The following LANCL2 variants were observed in gnomAD, a reference collection of about 807,000 sequenced individuals.
LANCL2 encodes lanC-like protein 2.
LANCL2 carries 33 observed loss-of-function variants against 56.9 expected under a neutral mutation model. That is an observed-to-expected ratio of 0.58 (90% CI 0.44 to 0.78). The LOEUF (loss-of-function observed/expected upper bound fraction) is 0.78, where lower values mean the gene tolerates loss of function less well. Ranked by LOEUF, LANCL2 falls within the 30% of genes least tolerant of loss-of-function variation. The pLI is 0.00. For missense variants in LANCL2, 562 were observed against 580.2 expected (o/e 0.97, Z 0.32); for synonymous variants, 233 against 228.2 (o/e 1.02, Z -0.19).
rs779551989 is a variant in LANCL2 at position 55,400,354 on chromosome 7, GTTTA to G, written c.678+256_678+259del. Among the ~76,000 whole-genome samples the G allele has an allele frequency of 4.6e-5, 7 of 152,306 alleles. No individual in the cohort carries two copies. In the South Asian group the frequency reaches 6.2e-4, roughly 14 times the overall value. ...AGCAGCAGCTTCAGAAAGTTAGAAT[GTTTA>G]TTTATCTTTCGTGAGATGTCTCAGC... is the stretch of plus-strand genomic sequence containing the variant. On this transcript the variant is annotated intron_variant, in intron 4 of 8. Coordinates refer to ENST00000254770, the MANE Select transcript of LANCL2 (RefSeq NM_018697.4).
rs760465269 is a variant in LANCL2 at position 55,398,558 on chromosome 7, G to GC, written c.463dup (p.Leu155ProfsTer14). On this transcript the variant is annotated frameshift_variant, in exon 3 of 9. Transcript: ENST00000254770. LOFTEE classifies it high-confidence loss of function. ...GTCACCTTCCTCTGTGGGGATGCTGGCCCCCTGGCTGTTGGAGCTGTGATT... is the reference window on the plus strand; with the variant it reads ...GTCACCTTCCTCTGTGGGGATGCTGGCCCCCCTGGCTGTTGGAGCTGTGATT... 5.0e-6 allele frequency: 8 copies of GC among 1,614,150 alleles called. No homozygotes were observed. Among genetic ancestry groups the GC allele is most frequent in the Non-Finnish European group, 6.8e-6 (8 of 1,179,990 alleles).
chr7:55,366,150 G>A lies in LANCL2; in HGVS notation c.125G>A (p.Gly42Glu). The change falls in exon 1 of 9, where the codon GGA becomes GAA. Residue 42 changes from glycine to glutamate, a missense_variant. Physicochemically the swap from Gly to Glu is moderately conservative, Grantham distance 98 (BLOSUM62 -2). This residue lies in a region of LANCL2 where 184 missense variants were observed against 111.8 expected (regional missense o/e 1.65). Transcript: ENST00000254770. ...GCCGCCGGGGCGCTGCTCGCCTCCG[G>A]AGCGGCCGAAGAGACAGGCTGTGTT... The part of the protein sequence containing the change: ...EAAAGALLAS[G>E]AAEETGCVRP... The A allele has an allele frequency of 1.3e-6, 2 of 1,552,094 alleles. No individual in the cohort carries two copies. Among genetic ancestry groups the A allele is most frequent in the Non-Finnish European group, 1.7e-6 (2 of 1,146,820 alleles).
intron 1 of LANCL2, among the ~76,000 whole-genome samples, chr7:55,390,477 G>T (rs979931122): frequency 6.6e-6 from 1 of 152,134 alleles, no homozygotes; most frequent in African/African-American, 2.4e-5. Context: ...GTGGTGGCGG[G>T]TGCTTGTAAT....
At chr7:55,412,977 A>G (rs1431690537) in intron 6 of LANCL2, among the ~76,000 whole-genome samples, 1 of 152,200 alleles carries the variant, frequency 6.6e-6, no homozygotes, top group African/African-American at 2.4e-5. Context: ...ACTTAGGAAA[A>G]TTGTGGGGAA....
chr7:55,393,353 C>T (rs1790213593), intron 2 of LANCL2, among the ~76,000 whole-genome samples: 1 of 152,134 alleles, frequency 6.6e-6, no homozygotes, highest in African/African-American at 2.4e-5. Flanking sequence ...GGCAACATGG[C>T]AAAACCTGTC....
chr7:55,389,190 G>A (rs1790158559), intron 1 of LANCL2, among the ~76,000 whole-genome samples: 1 of 152,118 alleles, frequency 6.6e-6, no homozygotes, highest in Non-Finnish European at 1.5e-5. Flanking sequence ...AGGATCTGGG[G>A]GTTGAATTCA....
At chr7:55,388,860 G>A (rs375419531) in intron 1 of LANCL2, among the ~76,000 whole-genome samples, 44 of 152,248 alleles carry the variant, frequency 2.9e-4, no homozygotes, top group African/African-American at 9.9e-4. Flanking sequence ...GTGGCAGAGG[G>A]CACAAGTCAA....
intron 8 of LANCL2, among the ~76,000 whole-genome samples, chr7:55,430,885 T>C (rs912843354): frequency 2.0e-4 from 30 of 152,222 alleles, no homozygotes; most frequent in African/African-American, 7.2e-4. Context: ...TTTGAGCATA[T>C]ACAGGCTCTG....
intron 1 of LANCL2, among the ~76,000 whole-genome samples, chr7:55,370,541 T>A (rs1006177367): frequency 6.6e-6 from 1 of 152,218 alleles, no homozygotes; most frequent in African/African-American, 2.4e-5. Context: ...CATTGCTAGG[T>A]GTAGCCTCCA....
At chr7:55,389,731 A>C (rs185854852) in intron 1 of LANCL2, among the ~76,000 whole-genome samples, 48 of 152,300 alleles carry the variant, frequency 3.2e-4, no homozygotes, top group Non-Finnish European at 3.1e-4. Flanking sequence ...CAGCAAAGCC[A>C]GTATTGTAGA....
intron 1 of LANCL2, among the ~76,000 whole-genome samples, chr7:55,381,643 C>G (rs1205728190): frequency 6.6e-6 from 1 of 152,038 alleles, no homozygotes; most frequent in African/African-American, 2.4e-5. Context: ...TTCCTCTTAC[C>G]CCTCGGAGTT....
intron 1 of LANCL2, among the ~76,000 whole-genome samples, chr7:55,378,132 A>T (rs1041925064): frequency 3.3e-5 from 5 of 152,230 alleles, no homozygotes; most frequent in African/African-American, 1.2e-4. Context: ...TGCCAGGTAC[A>T]TAGTAAGTGC....
intron 8 of LANCL2, among the ~76,000 whole-genome samples, chr7:55,430,653 C>A (rs1356531998): frequency 1.3e-5 from 2 of 152,156 alleles, no homozygotes; most frequent in Non-Finnish European, 2.9e-5. Flanking sequence ...TAAACAAAAA[C>A]CCTGTAAGGG....
intron 1 of LANCL2, among the ~76,000 whole-genome samples, chr7:55,386,301 T>C (rs1050422048): frequency 6.6e-5 from 10 of 152,220 alleles, no homozygotes; most frequent in African/African-American, 2.4e-4. Flanking sequence ...TGTTTAGAGG[T>C]TGCAGTAAAG....
chr7:55,417,478 T>C (rs1790557950), intron 6 of LANCL2, among the ~76,000 whole-genome samples: 1 of 152,218 alleles, frequency 6.6e-6, no homozygotes, highest in Non-Finnish European at 1.5e-5. Flanking sequence ...GTTTTTCTTA[T>C]TCTGCATTTA....
At chr7:55,402,123 C>G (rs1790337419) in intron 5 of LANCL2, among the ~76,000 whole-genome samples, 1 of 146,394 alleles carries the variant, frequency 6.8e-6, no homozygotes, top group Non-Finnish European at 1.5e-5. Flanking sequence ...GGCGGCCGGG[C>G]AGAGGCGCCC....
At chr7:55,366,270 C>G in intron 1 of LANCL2, 41 bp downstream of exon 1, 1 of 1,421,206 alleles carries the variant, frequency 7.0e-7, no homozygotes, top group Non-Finnish European at 9.3e-7. Flanking sequence ...GGAGGGGGAG[C>G]GCGGCGGTGG....
intron 6 of LANCL2, among the ~76,000 whole-genome samples, chr7:55,424,879 T>C (rs887648501): frequency 2.6e-5 from 4 of 152,240 alleles, no homozygotes; most frequent in Admixed American, 6.5e-5. Context: ...GAGCGAACCG[T>C]ATCGTGAACT....
In LANCL2 at chr7:55,432,817, CATT is replaced by C. The variant is rs1322840256; in HGVS notation, c.*1501_*1503del. 6.6e-6 allele frequency: 1 copy of C among 152,194 alleles called. No individual in the cohort carries two copies. The highest frequency in any genetic ancestry group is 1.5e-5 in the Non-Finnish European group (1 of 68,040). 9.4% of individuals were successfully genotyped at this position (152,194 alleles called of 1,614,324 possible). ...GCTGCAGACACCCTTGCTCCTGAGT[CATT>C]ATTTTCTTTCATGTTAGATTGATGA... On this transcript the variant is annotated 3_prime_UTR_variant, in exon 9 of 9. Transcript: ENST00000254770.
Sources: gnomAD v4.1 joint callset for allele counts (sites outside exome capture counted in the v4.1 genomes callset) on GRCh38, gnomAD v4.1.1 for gene constraint, gnomAD v4.1.1 regional missense constraint, MANE v1.5 for transcripts, NCBI Gene and HGNC (gene_info 2026-07-23, HGNC 2026-07-21) for gene names.